CCND3: variants seen among roughly 807,000 people sequenced by gnomAD.
CCND3 encodes cyclin D3.
Under a neutral mutation model 28.7 loss-of-function variants are expected in CCND3, and 9 were observed. That is an observed-to-expected ratio of 0.31 (90% CI 0.19 to 0.55). The LOEUF is 0.55. Among genes scored for constraint, CCND3 ranks in the 20% least tolerant of loss-of-function variants. The pLI is 0.93. For missense variants in CCND3, 315 were observed against 385.8 expected (o/e 0.82, Z 1.54); for synonymous variants, 164 against 163.9 (o/e 1.00, Z 0.00).
At chr6:42,003,216 T>A (rs1490349715) in intron 1 of CCND3, among the ~76,000 whole-genome samples, 1 of 28,190 alleles carries the variant, frequency 3.5e-5, no homozygotes, top group Non-Finnish European at 7.0e-5. Flanking sequence ...ACAGAACTTA[T>A]GAAGTTAAAA....
chr6:41,951,575 C>CAA (rs58855970), intron 1 of CCND3, among the ~76,000 whole-genome samples: 6,245 of 70,164 alleles, frequency 0.089, 628 homozygotes, highest in Middle Eastern at 0.17. Context: ...CACACACACA[C>CAA]AAAAAAAAAG....
chr6:42,037,938 C>T (rs1014859266), intron 1 of CCND3, among the ~76,000 whole-genome samples: 13 of 149,026 alleles, frequency 8.7e-5, no homozygotes, highest in Admixed American at 8.2e-4. Context: ...GGCTGAGGCA[C>T]GAGAATCGCT....
At chr6:42,024,440 A>G (rs1360194239) in intron 1 of CCND3, among the ~76,000 whole-genome samples, 1 of 151,426 alleles carries the variant, frequency 6.6e-6, no homozygotes, top group Non-Finnish European at 1.5e-5. Context: ...CTGATAACAC[A>G]GCTGGTGTGT....
intron 1 of CCND3, among the ~76,000 whole-genome samples, chr6:42,010,173 A>G (rs557151812): frequency 1.3e-5 from 2 of 152,280 alleles, no homozygotes; most frequent in African/African-American, 2.4e-5. Context: ...GGTTGCAGGC[A>G]AAGTCAGTGA....
intron 1 of CCND3, among the ~76,000 whole-genome samples, chr6:41,955,653 A>AC (rs956276334): frequency 2.1e-5 from 3 of 139,678 alleles, no homozygotes; most frequent in African/African-American, 8.0e-5. Flanking sequence ...TATCTCTACA[A>AC]AAAAAAAAAA....
intron 1 of CCND3, among the ~76,000 whole-genome samples, chr6:41,981,708 G>C (rs1189798342): frequency 6.6e-6 from 1 of 151,830 alleles, no homozygotes; most frequent in Non-Finnish European, 1.5e-5. Context: ...ATTTTTAGTA[G>C]AGATGGGGTT....
At chr6:41,946,137 C>T (rs762152826), upstream of CCND3, among the ~76,000 whole-genome samples, 2 of 152,176 alleles carry the variant, frequency 1.3e-5, no homozygotes, top group African/African-American at 4.8e-5. Context: ...AGTTAAACCA[C>T]CTCTCTGTGC....
chr6:41,937,454 G>C (rs1775843889), intron 2 of CCND3, 60 bp from the exon 3 acceptor site: 1 of 1,591,784 alleles, frequency 6.3e-7, no homozygotes, highest in East Asian at 2.2e-5. Context: ...AGGGAGCAAA[G>C]CAGAAGTCTC....
intron 1 of CCND3, among the ~76,000 whole-genome samples, chr6:42,024,493 G>T (rs1289013239): frequency 6.6e-6 from 1 of 152,138 alleles, no homozygotes; most frequent in Non-Finnish European, 1.5e-5. Flanking sequence ...GACATGGAAG[G>T]AGAACCTGCA....
chr6:41,964,224 C>A (rs1202681504), intron 1 of CCND3, among the ~76,000 whole-genome samples: 1 of 152,154 alleles, frequency 6.6e-6, no homozygotes, highest in Admixed American at 6.5e-5. Flanking sequence ...AAGGGTTTCC[C>A]AGTCTTGTTG....
chr6:41,989,086 G>A (rs1443379274), intron 1 of CCND3, among the ~76,000 whole-genome samples: 1 of 152,014 alleles, frequency 6.6e-6, no homozygotes, highest in African/African-American at 2.4e-5. Flanking sequence ...AGACTAGGGG[G>A]AAATAATTGC....
At chr6:41,937,579 G>T in intron 2 of CCND3, 185 bp from the exon 3 acceptor site, 1 of 633,094 alleles carries the variant, frequency 1.6e-6, no homozygotes, top group Non-Finnish European at 2.7e-6. Flanking sequence ...GGAGGCATGT[G>T]CTTTGAGCAC....
chr6:41,976,583 G>T (rs1009207126), intron 1 of CCND3, among the ~76,000 whole-genome samples: 10 of 152,192 alleles, frequency 6.6e-5, no homozygotes, highest in Admixed American at 3.3e-4. Flanking sequence ...AGCTGAGGAG[G>T]TCAAGGCTAC....
chr6:41,988,702 T>TTTTC (rs1762558166), intron 1 of CCND3, among the ~76,000 whole-genome samples: 1 of 44,170 alleles, frequency 2.3e-5, no homozygotes. Flanking sequence ...TTCTTTTCTT[T>TTTTC]TTTTTTTTTT....
chr6:42,029,161 T>TA (rs1460764885), intron 1 of CCND3, among the ~76,000 whole-genome samples: 12 of 150,770 alleles, frequency 8.0e-5, no homozygotes, highest in African/African-American at 2.4e-4. Flanking sequence ...TTTTTTTTTT[T>TA]TTATTATTTT....
In CCND3 at chr6:41,993,410, CTT is replaced by C. The variant is rs70987558; in HGVS notation, c.-45-52827_-45-52826del. Among the ~76,000 whole-genome samples, 349 of 101,660 alleles carry C rather than the reference CTT, an allele frequency of 3.4e-3. 1 individual carries two copies. The highest frequency in any genetic ancestry group is 1.0e-2 in the African/African-American group (272 of 27,280). The allele number at this position is 101,660 out of a possible 152,430, so 66.7% of individuals were successfully genotyped here. A position where few individuals can be genotyped will look rare whatever the true frequency, so the allele number is the denominator to read the frequency against. On this transcript the variant is annotated intron_variant, in intron 1 of 4. Coordinates refer to the CCND3 transcript ENST00000372988. ...AATATATTTGTTAAGCTCATGTCTT[CTT>C]TTTTTTTTTTTTTTTTTGAGATGGA...
chr6:41,972,296 T>C (rs1762056387), intron 1 of CCND3, among the ~76,000 whole-genome samples: 1 of 151,908 alleles, frequency 6.6e-6, no homozygotes, highest in Non-Finnish European at 1.5e-5. Context: ...TCTAACATTC[T>C]GTAAGTGAGC....
intron 1 of CCND3, among the ~76,000 whole-genome samples, chr6:41,964,491 T>TGC (rs1052110515): frequency 2.2e-5 from 3 of 133,400 alleles, no homozygotes; most frequent in African/African-American, 8.6e-5. Flanking sequence ...TGTGAATGTG[T>TGC]GTGTGTGAGT....
intron 1 of CCND3, among the ~76,000 whole-genome samples, chr6:41,985,519 T>A (rs1762461252): frequency 1.3e-5 from 2 of 152,032 alleles, no homozygotes; most frequent in South Asian, 4.1e-4. Flanking sequence ...TTCACCATGT[T>A]GGCCAGGCTG....
Sources: allele counts gnomAD v4.1 joint callset (sites outside exome capture counted in the v4.1 genomes callset), GRCh38; gene constraint gnomAD v4.1.1; transcripts MANE v1.5; gene names NCBI Gene and HGNC (gene_info 2026-07-23, HGNC 2026-07-21).